TMEM178B: variants seen among roughly 807,000 people sequenced by gnomAD.
The protein encoded by TMEM178B is transmembrane protein 178B.
A neutral mutation model predicts 31.0 loss-of-function variants in TMEM178B; 5 were observed. That is an observed-to-expected ratio of 0.16 (90% CI 0.08 to 0.34). The LOEUF (loss-of-function observed/expected upper bound fraction) is 0.34, where lower values mean the gene tolerates loss of function less well. Among genes scored for constraint, TMEM178B ranks in the 10% least tolerant of loss-of-function variants. TMEM178B has a pLI of 1.00. For synonymous variants in TMEM178B, 164 were observed against 164.0 expected (o/e 1.00, Z 0.00); for missense variants, 275 against 400.3 (o/e 0.69, Z 2.67).
the TMEM178B span, among the ~76,000 whole-genome samples, chr7:141,502,943 T>C: frequency 8.5e-5 from 13 of 152,198 alleles, no homozygotes; most frequent in Non-Finnish European, 1.5e-4. Flanking sequence ...TTTTTCCTCC[T>C]AGACACAGAG....
At chr7:141,128,183 C>T (rs1290382940) in intron 1 of TMEM178B, among the ~76,000 whole-genome samples, 1 of 152,048 alleles carries the variant, frequency 6.6e-6, no homozygotes, top group East Asian at 1.9e-4. Context: ...TGGGACTATC[C>T]CAGGCAAACT....
chr7:141,499,876 T>C, the TMEM178B span, among the ~76,000 whole-genome samples: 1 of 152,182 alleles, frequency 6.6e-6, no homozygotes, highest in Non-Finnish European at 1.5e-5. Context: ...CATGCAAATA[T>C]CTTAGCATTT....
At chr7:141,161,838 A>G (rs1586802979) in intron 1 of TMEM178B, among the ~76,000 whole-genome samples, 1 of 151,802 alleles carries the variant, frequency 6.6e-6, no homozygotes, top group Non-Finnish European at 1.5e-5. Flanking sequence ...AGTGTGTGAG[A>G]GAAGCAGAGT....
chr7:141,379,150 A>T (rs1331265843), intron 2 of TMEM178B, among the ~76,000 whole-genome samples: 4 of 152,022 alleles, frequency 2.6e-5, no homozygotes, highest in African/African-American at 9.7e-5. Context: ...CAGTTAACAG[A>T]GTGTTCTGGA....
At chr7:141,295,793 A>T (rs997584464) in intron 2 of TMEM178B, among the ~76,000 whole-genome samples, 4 of 152,318 alleles carry the variant, frequency 2.6e-5, no homozygotes, top group African/African-American at 7.2e-5. Flanking sequence ...ACCTGGAGGC[A>T]GGTGAAAGAG....
chr7:141,157,685 G>T (rs139940061), intron 1 of TMEM178B, among the ~76,000 whole-genome samples: 32 of 152,344 alleles, frequency 2.1e-4, no homozygotes, highest in African/African-American at 7.5e-4. Flanking sequence ...GTGAAATGGG[G>T]ATGATAACCC....
intron 2 of TMEM178B, among the ~76,000 whole-genome samples, chr7:141,350,313 G>A (rs1275811419): frequency 6.6e-6 from 1 of 151,798 alleles, no homozygotes; most frequent in African/African-American, 2.4e-5. Flanking sequence ...TCCTTGACCA[G>A]GGTTAATTTC....
intron 2 of TMEM178B, among the ~76,000 whole-genome samples, chr7:141,415,719 T>C (rs759181145): frequency 6.6e-5 from 10 of 152,196 alleles, no homozygotes; most frequent in Non-Finnish European, 1.3e-4. Flanking sequence ...AGGATGGTGA[T>C]GCCATTGTCA....
intron 2 of TMEM178B, among the ~76,000 whole-genome samples, chr7:141,378,579 G>C (rs1481534172): frequency 1.3e-5 from 2 of 152,228 alleles, no homozygotes; most frequent in Admixed American, 1.3e-4. Flanking sequence ...TACTGAGGGA[G>C]AGGCTCCTAA....
At chr7:141,134,801 A>G (rs965477532) in intron 1 of TMEM178B, among the ~76,000 whole-genome samples, 1 of 152,244 alleles carries the variant, frequency 6.6e-6, no homozygotes, top group Non-Finnish European at 1.5e-5. Context: ...AAAGACACAT[A>G]TAGACTAAAA....
chr7:141,484,721 C>A (rs1445060985), downstream of TMEM178B, among the ~76,000 whole-genome samples: 1 of 152,090 alleles, frequency 6.6e-6, no homozygotes, highest in African/African-American at 2.4e-5. The surrounding 1 kb of genome is among the most constrained non-coding windows in gnomAD (Gnocchi z 4.8). Flanking sequence ...ACCACTACGC[C>A]TGGCTAATTT....
At chr7:141,385,444 C>A (rs1800415300) in intron 2 of TMEM178B, among the ~76,000 whole-genome samples, 1 of 152,166 alleles carries the variant, frequency 6.6e-6, no homozygotes, top group Non-Finnish European at 1.5e-5. Context: ...GATATTTGGG[C>A]TTTTTAAATA....
Position 141,422,609 on chromosome 7 carries a change from T to C in TMEM178B, c.497-14999T>C, listed in dbSNP as rs1431616648. Among the ~76,000 whole-genome samples, 2 of 99,378 alleles carry C rather than the reference T, an allele frequency of 2.0e-5. No individual in the cohort carries two copies. Among genetic ancestry groups the C allele is most frequent in the African/African-American group, 8.4e-5 (2 of 23,834 alleles). The allele number at this position is 99,378 out of a possible 152,430, so 65.2% of individuals were successfully genotyped here. ...CAGCATGAAACAGCCTCTGGCCTCATTGTTTCAGGCCACAGCTAGGCACCC... is the reference window on the plus strand; with the variant it reads ...CAGCATGAAACAGCCTCTGGCCTCACTGTTTCAGGCCACAGCTAGGCACCC... On this transcript the variant is annotated intron_variant, in intron 2 of 3. Transcript: ENST00000565468. The surrounding 1 kb of genome is among the most constrained non-coding windows in gnomAD (Gnocchi z 4.2).
intron 3 of TMEM178B, among the ~76,000 whole-genome samples, chr7:141,469,386 A>G (rs1326457890): frequency 2.6e-5 from 4 of 152,000 alleles, no homozygotes; most frequent in African/African-American, 9.7e-5. Context: ...TCCACTCTAT[A>G]TTTTCTTCCT....
At chr7:141,169,344 C>T (rs937590663) in intron 1 of TMEM178B, among the ~76,000 whole-genome samples, 16 of 152,212 alleles carry the variant, frequency 1.1e-4, no homozygotes, top group African/African-American at 3.9e-4. Flanking sequence ...TGGCCTCCAG[C>T]TCCACCCATG....
At chr7:141,419,194 G>A (rs759951450) in intron 2 of TMEM178B, among the ~76,000 whole-genome samples, 15 of 152,152 alleles carry the variant, frequency 9.9e-5, no homozygotes, top group Non-Finnish European at 1.9e-4. Flanking sequence ...ATAGTCGTGA[G>A]GCACCGCGGC....
chr7:141,370,836 A>G (rs1243155579), intron 2 of TMEM178B, among the ~76,000 whole-genome samples: 3 of 152,262 alleles, frequency 2.0e-5, no homozygotes, highest in Non-Finnish European at 4.4e-5. Context: ...AGGCAAGGAC[A>G]TCTGCTGTTT....
At chr7:141,182,877 C>CTG (rs1796552976) in intron 1 of TMEM178B, among the ~76,000 whole-genome samples, 1 of 152,206 alleles carries the variant, frequency 6.6e-6, no homozygotes. Context: ...CCATGCTGAA[C>CTG]TGTGAATCCA....
intron 2 of TMEM178B, among the ~76,000 whole-genome samples, chr7:141,303,454 A>G (rs1798761677): frequency 6.6e-6 from 1 of 152,208 alleles, no homozygotes; most frequent in South Asian, 2.1e-4. Flanking sequence ...CTGGCTTCAC[A>G]TTGACAGCCA....
Sources: allele counts gnomAD v4.1 joint callset (sites outside exome capture counted in the v4.1 genomes callset), GRCh38; gene constraint gnomAD v4.1.1; non-coding constraint Gnocchi (gnomAD v3.1); transcripts MANE v1.5; gene names NCBI Gene and HGNC (gene_info 2026-07-23, HGNC 2026-07-21).